Variants in NDRG2 observed in about 807,000 individuals in gnomAD.
NDRG2 encodes NDRG family member 2, also known as protein NDRG2.
A neutral mutation model predicts 58.2 loss-of-function variants in NDRG2; 34 were observed. The observed-to-expected ratio is 0.58, with a 90% CI of 0.44 to 0.78. NDRG2 has a LOEUF of 0.78. Among genes scored for constraint, NDRG2 ranks in the 30% least tolerant of loss-of-function variants. The probability of loss-of-function intolerance (pLI) is 0.00; values close to 1 mark genes in which losing one functional copy is unlikely to be tolerated. For synonymous variants in NDRG2, 187 were observed against 175.9 expected (o/e 1.06, Z -0.50); for missense variants, 434 against 471.2 (o/e 0.92, Z 0.73).
chr14:21,023,484 C>T (rs1266118526), intron 1 of NDRG2, 163 bp from the exon 2 acceptor site: 2 of 619,250 alleles, frequency 3.2e-6, no homozygotes, highest in East Asian at 2.8e-5. Context: ...CCCCCAGCTC[C>T]GTTTCCAGGC....
intron 1 of NDRG2, among the ~76,000 whole-genome samples, chr14:21,047,363 A>G (rs1279790799): frequency 1.3e-5 from 2 of 152,218 alleles, no homozygotes; most frequent in African/African-American, 4.8e-5. Context: ...CAATAAATCC[A>G]AATGGCCTGG....
chr14:21,044,357 C>T (rs1314273482), intron 1 of NDRG2: 2 of 152,730 alleles, frequency 1.3e-5, no homozygotes, highest in East Asian at 3.8e-4. Context: ...TGGCCAGATC[C>T]CCTTGGCCTG....
In NDRG2 at chr14:21,038,512, A is replaced by T. The variant is rs140129257; in HGVS notation, c.25-15191T>A. Among the ~76,000 whole-genome samples, 624 of 152,306 alleles carry T rather than the reference A, an allele frequency of 4.1e-3. 4 individuals carry two copies. The highest frequency in any genetic ancestry group is 0.013 in the African/African-American group (540 of 41,564). On this transcript the variant is annotated intron_variant, in intron 1 of 14. Transcript: ENST00000403829. Reference sequence around the variant, plus strand: ...TCAGAGAAAGTTTTCCTGAAGGGTCACCCTGGCTTGGAAATGGATCTCATG... The same window carrying T: ...TCAGAGAAAGTTTTCCTGAAGGGTCTCCCTGGCTTGGAAATGGATCTCATG...
intron 1 of NDRG2, chr14:21,032,836 T>A (rs1884318349): frequency 2.4e-6 from 1 of 418,036 alleles, no homozygotes; most frequent in Non-Finnish European, 4.7e-6. Context: ...ATTAACTTTT[T>A]ATTTTGAATT....
intron 1 of NDRG2, chr14:21,043,535 C>T (rs1023309745): frequency 9.9e-7 from 1 of 1,013,580 alleles, no homozygotes; most frequent in Admixed American, 2.4e-5. Context: ...TCCCCTACAC[C>T]CAGAGCATTC....
At chr14:21,060,744 C>A (rs139870062) in intron 1 of NDRG2, among the ~76,000 whole-genome samples, 1 of 147,114 alleles carries the variant, frequency 6.8e-6, no homozygotes, top group South Asian at 2.2e-4. Flanking sequence ...CTGCCCCTCC[C>A]TTCTCCTGCA....
chr14:21,070,388 C>T lies in NDRG2; in HGVS notation c.24+440G>A, dbSNP rs1200700889. 2.8e-6 allele frequency: 4 copies of T among 1,412,350 alleles called. No individual in the cohort carries two copies. Among genetic ancestry groups the T allele is most frequent in the Admixed American group, 3.3e-5 (1 of 29,956 alleles). The allele number at this position is 1,412,350 out of a possible 1,614,324, so 87.5% of individuals were successfully genotyped here. A position where few individuals can be genotyped will look rare whatever the true frequency, so the allele number is the denominator to read the frequency against. On this transcript the variant is annotated intron_variant, in intron 1 of 14. Coordinates refer to the NDRG2 transcript ENST00000403829. The surrounding 1 kb of genome is among the most constrained non-coding windows in gnomAD (Gnocchi z 4.7). ...CGACCAAGCGTCGGACGCGGCCCGG[C>T]GCCGAGCCATGGTGAGTCCAGCGTC... is the stretch of plus-strand genomic sequence containing the variant.
intron 6 of NDRG2, 191 bp from the exon 7 acceptor site, chr14:21,021,035 G>A (rs746380311): frequency 7.2e-6 from 5 of 693,342 alleles, no homozygotes; most frequent in African/African-American, 7.0e-5. Context: ...AGTCAGGGTA[G>A]ATACCTGAAG....
At chr14:21,023,584 G>GC (rs1245994015) in intron 1 of NDRG2, 6 of 385,020 alleles carry the variant, frequency 1.6e-5, no homozygotes, top group South Asian at 5.7e-5. Flanking sequence ...CACACCTCCA[G>GC]ACCCCTCCCT....
intron 6 of NDRG2, 83 bp from the exon 7 acceptor site, chr14:21,020,927 T>C (rs1398297891): frequency 6.9e-7 from 1 of 1,445,946 alleles, no homozygotes; most frequent in Non-Finnish European, 9.6e-7. Flanking sequence ...CTCTTCACCC[T>C]CCCTCCTGAG....
chr14:21,025,505 C>A, upstream of NDRG2: 6 of 985,450 alleles, frequency 6.1e-6, no homozygotes, highest in Non-Finnish European at 4.8e-6. The surrounding 1 kb of genome is among the most constrained non-coding windows in gnomAD (Gnocchi z 5.1). Flanking sequence ...TCGACTCCCC[C>A]CGCCCGAACA....
chr14:21,058,095 A>G (rs1885763169), intron 1 of NDRG2: 1 of 1,613,960 alleles, frequency 6.2e-7, no homozygotes, highest in African/African-American at 1.3e-5. Flanking sequence ...AAAGACCTCA[A>G]CACCTTCCTG....
intron 1 of NDRG2, among the ~76,000 whole-genome samples, chr14:21,044,757 G>T (rs1054139314): frequency 4.6e-5 from 7 of 152,136 alleles, no homozygotes; most frequent in African/African-American, 1.7e-4. Context: ...CAAACAAGCT[G>T]CATTGTGTCC....
chr14:21,019,007 G>C (rs1210080652), intron 11 of NDRG2, 109 bp downstream of exon 11: 14 of 1,319,540 alleles, frequency 1.1e-5, no homozygotes, highest in Middle Eastern at 3.8e-4. Context: ...GGATGGGGTG[G>C]GACATGACAA....
chr14:21,052,599 T>C (rs1401503723), intron 1 of NDRG2, among the ~76,000 whole-genome samples: 1 of 152,078 alleles, frequency 6.6e-6, no homozygotes, highest in Non-Finnish European at 1.5e-5. Flanking sequence ...GAATAGTTTG[T>C]GTTCGGAGGG....
At chr14:21,025,435 G>C, upstream of NDRG2, 1 of 985,658 alleles carries the variant, frequency 1.0e-6, no homozygotes, top group Non-Finnish European at 1.2e-6. This position sits in a 1 kb window ranked among gnomAD's most constrained non-coding sequence, Gnocchi z 5.1. Context: ...TTCGCCCCCA[G>C]ACTCAGTGGT....
chr14:21,033,730 C>T (rs755839061), intron 1 of NDRG2: 1 of 961,324 alleles, frequency 1.0e-6, no homozygotes, highest in Admixed American at 1.7e-5. Flanking sequence ...CCTCGTAAGT[C>T]AGGAAGGAAG....
At chr14:21,018,926 T>C in intron 11 of NDRG2, 112 bp from the exon 12 acceptor site, 1 of 1,382,358 alleles carries the variant, frequency 7.2e-7, no homozygotes, top group Non-Finnish European at 1.0e-6. Flanking sequence ...AAGACACTTC[T>C]GTGTCTCCCT....
At chr14:21,051,564 G>A (rs1885469221) in intron 1 of NDRG2, among the ~76,000 whole-genome samples, 1 of 152,134 alleles carries the variant, frequency 6.6e-6, no homozygotes, top group South Asian at 2.1e-4. Context: ...GGAACAAAGG[G>A]AGACAGTCCT....
Sources: allele counts gnomAD v4.1 joint callset (sites outside exome capture counted in the v4.1 genomes callset), GRCh38; gene constraint gnomAD v4.1.1; non-coding constraint Gnocchi (gnomAD v3.1); transcripts MANE v1.5; gene names NCBI Gene and HGNC (gene_info 2026-07-23, HGNC 2026-07-21).